The following CACYBP variants were observed in gnomAD, a reference collection of about 807,000 sequenced individuals.
CACYBP encodes the protein calcyclin-binding protein.
Under a neutral mutation model 29.6 loss-of-function variants are expected in CACYBP, and 11 were observed. The ratio of observed to expected loss-of-function variants is 0.37; its 90% CI spans 0.23 to 0.61. The LOEUF is 0.61. Ranked by LOEUF, CACYBP falls within the 20% of genes least tolerant of loss-of-function variation. The probability of loss-of-function intolerance (pLI) is 0.65; values close to 1 mark genes in which losing one functional copy is unlikely to be tolerated. For missense variants in CACYBP, 163 were observed against 260.7 expected (o/e 0.63, Z 2.58); for synonymous variants, 73 against 88.3 (o/e 0.83, Z 0.97).
At chr1:175,009,603 GCCACTGCACTC>G (rs1672697304) in intron 5 of CACYBP, among the ~76,000 whole-genome samples, 1 of 138,126 alleles carries the variant, frequency 7.2e-6, no homozygotes, top group Admixed American at 8.0e-5. Context: ...ACCGAGATGC[GCCACTGCACTC>G]CAGCCTGGGC....
Position 175,000,144 on chromosome 1 carries a change from C to A in CACYBP, c.-37C>A, listed in dbSNP as rs1028390241. 2 of 1,596,576 alleles carry A rather than the reference C, an allele frequency of 1.3e-6. No individual in the cohort carries two copies. The highest frequency in any genetic ancestry group is 4.6e-5 in the East Asian group (2 of 43,812). The stretch of plus-strand genomic sequence containing the variant: ...GGGGTTTCCTGTTCCTCCTTCTGCG[C>A]GGCTGCAGCTCGGGACTTCGGCCTG... On this transcript the variant is annotated 5_prime_UTR_variant, in exon 1 of 6. Transcript: ENST00000367679.
rs969520096 is a variant in CACYBP at position 174,999,967 on chromosome 1, G to T, written c.-214G>T. ...GGCTTGGCGGGCTGTGCGTGCTCGC[G>T]GTGGGCGGTGGCGGCGGCTGCCTCG... is the stretch of plus-strand genomic sequence containing the variant. On this transcript the variant is annotated 5_prime_UTR_variant, in exon 1 of 6. Coordinates refer to ENST00000367679, the MANE Select transcript of CACYBP (RefSeq NM_014412.3). 21 of 641,254 alleles carry T rather than the reference G, an allele frequency of 3.3e-5. No homozygotes were observed. The African/African-American group carries it at 4.1e-4, about 13-fold the overall frequency. The allele number at this position is 641,254 out of a possible 1,614,324, so 39.7% of individuals were successfully genotyped here.
chr1:175,000,670 CTG>C (rs1420934796), intron 1 of CACYBP: 1 of 947,654 alleles, frequency 1.1e-6, no homozygotes, highest in Non-Finnish European at 1.3e-6. Context: ...CTGTGTTACT[CTG>C]GGCAAGTTGT....
In CACYBP at chr1:175,011,267, CAT is replaced by C. The variant is rs1486341874; in HGVS notation, c.*1189_*1190del. ...ATAGCTATAAGTAAATACTGAAACA[CAT>C]TATGCCTCTGTAATTGGGGTTGACA... On this transcript the variant is annotated 3_prime_UTR_variant, in exon 6 of 6. Transcript: ENST00000367679. 1 of 152,032 alleles carries C rather than the reference CAT, an allele frequency of 6.6e-6. No individual in the cohort carries two copies. The highest frequency in any genetic ancestry group is 1.5e-5 in the Non-Finnish European group (1 of 68,026). 9.4% of individuals were successfully genotyped at this position (152,032 alleles called of 1,614,324 possible).
Position 175,000,065 on chromosome 1 carries a change from C to T in CACYBP, c.-116C>T, listed in dbSNP as rs1156793845. The T allele has an allele frequency of 7.1e-7, 1 of 1,410,024 alleles. No individual in the cohort carries two copies. Among genetic ancestry groups the T allele is most frequent in the Non-Finnish European group, 9.8e-7 (1 of 1,020,856 alleles). The allele number at this position is 1,410,024 out of a possible 1,614,324, so 87.3% of individuals were successfully genotyped here. A position where few individuals can be genotyped will look rare whatever the true frequency, so the allele number is the denominator to read the frequency against. ...GCAGGGTCGGTGTGGGCGCAGGCTG[C>T]AGCGCCGCGACTCGTGCGGGTAGGC... On this transcript the variant is annotated 5_prime_UTR_variant, in exon 1 of 6. Coordinates refer to ENST00000367679, the MANE Select transcript of CACYBP (RefSeq NM_014412.3).
chr1:175,001,594 T>A (rs1314205987), intron 1 of CACYBP, among the ~76,000 whole-genome samples: 1 of 152,240 alleles, frequency 6.6e-6, no homozygotes, highest in Non-Finnish European at 1.5e-5. Flanking sequence ...GGCCTTTTGT[T>A]TTTTGGCTCC....
At position 175,010,541 on chromosome 1, in the gene CACYBP, T is replaced by C. The variant is rs1486922474; in HGVS notation, c.*462T>C. On this transcript the variant is annotated 3_prime_UTR_variant, in exon 6 of 6. Coordinates refer to ENST00000367679, the MANE Select transcript of CACYBP (RefSeq NM_014412.3). ...GGTTGCTGTAGAGCATCTGACCCCT[T>C]ATTACCACCTTAAGCAATGTATATG... is the stretch of plus-strand genomic sequence containing the variant. The C allele has an allele frequency of 6.5e-6, 1 of 153,070 alleles. No homozygotes were observed. Among genetic ancestry groups the C allele is most frequent in the Non-Finnish European group, 1.5e-5 (1 of 68,672 alleles). 9.5% of individuals were successfully genotyped at this position (153,070 alleles called of 1,614,324 possible). A position where few individuals can be genotyped will look rare whatever the true frequency, so the allele number is the denominator to read the frequency against.
intron 3 of CACYBP, 95 bp downstream of exon 3, chr1:175,006,936 T>A (rs1175828771): frequency 7.9e-6 from 7 of 888,434 alleles, no homozygotes; most frequent in Non-Finnish European, 1.1e-5. Flanking sequence ...AATTCTTAAA[T>A]TTAGAATTAA....
At chr1:175,009,799 A>G (rs1218620274) in intron 5 of CACYBP, 124 bp from the exon 6 acceptor site, 3 of 667,284 alleles carry the variant, frequency 4.5e-6, no homozygotes, top group Non-Finnish European at 7.5e-6. Flanking sequence ...TTTTGATTGT[A>G]AATATCTTTG....
At chr1:175,002,641 T>G (rs867125840) in intron 1 of CACYBP, among the ~76,000 whole-genome samples, 5 of 152,384 alleles carry the variant, frequency 3.3e-5, no homozygotes, top group Middle Eastern at 3.4e-3. Context: ...CATCTTAAAG[T>G]ATTTGTGCAG....
intron 2 of CACYBP, among the ~76,000 whole-genome samples, chr1:175,005,418 G>A (rs568163269): frequency 1.4e-4 from 22 of 152,322 alleles, no homozygotes; most frequent in Non-Finnish European, 3.1e-4. Context: ...TCTCATTGGA[G>A]CAAGGACAGT....
chr1:175,003,266 G>A (rs1672535176), intron 1 of CACYBP, among the ~76,000 whole-genome samples: 1 of 152,050 alleles, frequency 6.6e-6, no homozygotes, highest in Non-Finnish European at 1.5e-5. Context: ...TTACAGGCAC[G>A]TGCCACCACA....
Sources: allele counts gnomAD v4.1 joint callset (sites outside exome capture counted in the v4.1 genomes callset), GRCh38; gene constraint gnomAD v4.1.1; transcripts MANE v1.5; gene names NCBI Gene and HGNC (gene_info 2026-07-23, HGNC 2026-07-21).